Variants in TP63 observed in about 807,000 individuals in gnomAD.
The protein encoded by TP63 is tumor protein p63.
TP63 carries 17 observed loss-of-function variants against 82.8 expected under a neutral mutation model. The ratio of observed to expected loss-of-function variants is 0.21; its 90% CI spans 0.14 to 0.31. The LOEUF is 0.31. Ranked by LOEUF, TP63 falls within the 10% of genes least tolerant of loss-of-function variation. TP63 has a pLI of 1.00. For missense variants in TP63, 648 were observed against 895.3 expected (o/e 0.72, Z 3.52); for synonymous variants, 330 against 321.7 (o/e 1.03, Z -0.28).
chr3:189,848,237 C>CT (rs1715142808), intron 4 of TP63, among the ~76,000 whole-genome samples: 3 of 134,750 alleles, frequency 2.2e-5, no homozygotes, highest in African/African-American at 9.0e-5. Context: ...TCCTCCTCCT[C>CT]CTTCTCTCTC....
At chr3:189,642,351 T>C (rs572548159) in intron 1 of TP63, among the ~76,000 whole-genome samples, 1 of 152,316 alleles carries the variant, frequency 6.6e-6, no homozygotes, top group Non-Finnish European at 1.5e-5. Context: ...ATTTTAACTA[T>C]GTTCCAGGAA....
intron 1 of TP63, among the ~76,000 whole-genome samples, chr3:189,736,220 C>T (rs1283090144): frequency 6.6e-6 from 1 of 150,904 alleles, no homozygotes; most frequent in Non-Finnish European, 1.5e-5. Flanking sequence ...TTCTCTGTCT[C>T]TCTCACCATA....
At chr3:189,632,779 G>A (rs1729543177) in intron 1 of TP63, among the ~76,000 whole-genome samples, 1 of 152,044 alleles carries the variant, frequency 6.6e-6, no homozygotes. Flanking sequence ...TTATGTTCTT[G>A]TATAATGTGA....
the TP63 span, among the ~76,000 whole-genome samples, chr3:189,602,894 G>A: frequency 8.5e-5 from 13 of 152,178 alleles, no homozygotes. Flanking sequence ...CATAGAGCTA[G>A]TGTTCTATGT....
chr3:189,607,471 G>C, the TP63 span, among the ~76,000 whole-genome samples: 3 of 152,024 alleles, frequency 2.0e-5, no homozygotes, highest in Admixed American at 6.5e-5. Context: ...ATTCATTGCA[G>C]TTATTTATTA....
At chr3:189,806,837 C>T (rs902735508) in intron 3 of TP63, among the ~76,000 whole-genome samples, 2 of 152,022 alleles carry the variant, frequency 1.3e-5, no homozygotes, top group African/African-American at 4.8e-5. Context: ...CAAATGCTTC[C>T]TGGACTGAAT....
chr3:189,645,894 T>C (rs1712387179), intron 1 of TP63, among the ~76,000 whole-genome samples: 1 of 147,560 alleles, frequency 6.8e-6, no homozygotes, highest in Non-Finnish European at 1.5e-5. Flanking sequence ...ATCCACTATG[T>C]TGGTTGATGG....
chr3:189,627,829 T>G (rs901936632), upstream of TP63, among the ~76,000 whole-genome samples: 1 of 152,156 alleles, frequency 6.6e-6, no homozygotes, highest in Admixed American at 6.6e-5. Flanking sequence ...GTGTCTAATG[T>G]GTCACCTCCT....
Position 189,677,076 on chromosome 3 carries a change from G to T in TP63, c.62+45499G>T, listed in dbSNP as rs1209718986. On this transcript the variant is annotated intron_variant, in intron 1 of 13. Transcript: ENST00000264731. ...TCCCATTTATAAGTGAGAACACATG[G>T]TATTTGGCTTTCTGTTTCTGAGTTA... Among the ~76,000 whole-genome samples the T allele has an allele frequency of 2.0e-5, 3 of 151,236 alleles. No individual in the cohort carries two copies. In the Admixed American group the frequency reaches 2.0e-4, roughly 10 times the overall value.
chr3:189,782,268 C>T (rs1349759181), intron 3 of TP63, among the ~76,000 whole-genome samples: 4 of 152,148 alleles, frequency 2.6e-5, no homozygotes, highest in African/African-American at 9.7e-5. Context: ...TATTCATTAT[C>T]CATTCAGCAG....
At position 189,764,917 on chromosome 3, in the gene TP63, A is replaced by G. The variant is rs534894061; in HGVS notation, c.324+26143A>G. Among the ~76,000 whole-genome samples, 6 of 152,280 alleles carry G rather than the reference A, an allele frequency of 3.9e-5. No individual in the cohort carries two copies. In the South Asian group the frequency reaches 1.2e-3, roughly 32 times the overall value. On this transcript the variant is annotated intron_variant, in intron 3 of 13. Coordinates refer to ENST00000264731, the MANE Select transcript of TP63 (RefSeq NM_003722.5). ...GCACTTTGTTCTAGTAAATGTTCCT[A>G]CCTGCTTTTCTTAAAATTAGAACTA... is the stretch of plus-strand genomic sequence containing the variant.
At chr3:189,635,178 A>C (rs1192119174) in intron 1 of TP63, among the ~76,000 whole-genome samples, 1 of 152,110 alleles carries the variant, frequency 6.6e-6, no homozygotes, top group African/African-American at 2.4e-5. Context: ...GAAGCATCGA[A>C]CTATTAAAAT....
rs186201390 is a variant in TP63 at position 189,811,474 on chromosome 3, C to G, written c.579+2948C>G. Among the ~76,000 whole-genome samples the G allele has an allele frequency of 2.0e-5, 3 of 152,210 alleles. No individual in the cohort carries two copies. The East Asian group carries it at 5.8e-4, about 29-fold the overall frequency. ...TTCTTGTTCACAACCAGGCTTATTT[C>G]AGGCCCAGTTCATTTCTTCTAAATT... On this transcript the variant is annotated intron_variant, in intron 4 of 13. Transcript: ENST00000264731.
At chr3:189,748,083 G>A (rs1721513023) in intron 3 of TP63, among the ~76,000 whole-genome samples, 1 of 152,100 alleles carries the variant, frequency 6.6e-6, no homozygotes, top group South Asian at 2.1e-4. Flanking sequence ...CTAATCCACA[G>A]CTAACATCAC....
intron 1 of TP63, among the ~76,000 whole-genome samples, chr3:189,692,860 T>C (rs1303178215): frequency 1.3e-5 from 2 of 152,172 alleles, no homozygotes; most frequent in Non-Finnish European, 2.9e-5. Flanking sequence ...TTCAGGCAGA[T>C]CTAGCATGGA....
At chr3:189,699,721 A>G (rs1328877523) in intron 1 of TP63, among the ~76,000 whole-genome samples, 1 of 152,210 alleles carries the variant, frequency 6.6e-6, no homozygotes, top group East Asian at 1.9e-4. Flanking sequence ...ATCTTGACAT[A>G]GCTTTATGGA....
rs577975531 is a variant in TP63 at position 189,802,446 on chromosome 3, A to G, written c.325-5826A>G. Among the ~76,000 whole-genome samples the G allele has an allele frequency of 1.3e-4, 20 of 152,344 alleles. No individual in the cohort carries two copies. In the South Asian group the frequency reaches 3.7e-3, roughly 28 times the overall value. On this transcript the variant is annotated intron_variant, in intron 3 of 13. Coordinates refer to ENST00000264731, the MANE Select transcript of TP63 (RefSeq NM_003722.5). ...AGAAAACTGTTTTGAATGTGGTCTT[A>G]TAGCATTGTTTTAACGTAGCTTCAC... is the stretch of plus-strand genomic sequence containing the variant.
Position 189,869,520 on chromosome 3 carries a change from C to T in TP63, c.1212+114C>T, listed in dbSNP as rs1718150871. On this transcript the variant is annotated intron_variant, in intron 9 of 13. Transcript: ENST00000264731. ...ACAATGGGAAAGGAGGTGTCTTAGT[C>T]AGTTGAAGCTGCTACAACAAACTAC... 1.4e-5 allele frequency: 13 copies of T among 931,028 alleles called. No homozygotes were observed. The South Asian group carries it at 1.6e-4, about 11-fold the overall frequency. 57.7% of individuals were successfully genotyped at this position (931,028 alleles called of 1,614,324 possible).
At chr3:189,727,060 G>A (rs915411964) in intron 1 of TP63, among the ~76,000 whole-genome samples, 24 of 152,210 alleles carry the variant, frequency 1.6e-4, no homozygotes, top group African/African-American at 5.5e-4. Context: ...GATTTTGCCT[G>A]TGAGTAGTAG....
Sources: gnomAD v4.1 joint callset for allele counts (sites outside exome capture counted in the v4.1 genomes callset) on GRCh38, gnomAD v4.1.1 for gene constraint, MANE v1.5 for transcripts, NCBI Gene and HGNC (gene_info 2026-07-23, HGNC 2026-07-21) for gene names.